The following GRIN2B variants were observed in gnomAD, a reference collection of about 807,000 sequenced individuals.
GRIN2B encodes the protein glutamate ionotropic receptor NMDA type subunit 2B.
In GRIN2B, 5 loss-of-function variants were observed where a neutral mutation model predicts 114.5. That is an observed-to-expected ratio of 0.04 (90% CI 0.02 to 0.09). The LOEUF is 0.09. Ranked by LOEUF, GRIN2B falls within the 10% of genes least tolerant of loss-of-function variation. The probability of loss-of-function intolerance (pLI) is 1.00; values close to 1 mark genes in which losing one functional copy is unlikely to be tolerated. For synonymous variants in GRIN2B, 787 were observed against 745.1 expected (o/e 1.06, Z -0.92); for missense variants, 1,108 against 1,943.5 (o/e 0.57, Z 8.08).
intron 10 of GRIN2B, among the ~76,000 whole-genome samples, chr12:13,581,785 CT>C (rs1341017757): frequency 5.9e-5 from 9 of 151,962 alleles, no homozygotes; most frequent in Admixed American, 5.9e-4. Context: ...TGGCGCATGC[CT>C]GTAGTCCCAG....
chr12:13,744,642 A>G (rs781540330), intron 4 of GRIN2B, among the ~76,000 whole-genome samples: 20 of 152,158 alleles, frequency 1.3e-4, no homozygotes, highest in Admixed American at 3.3e-4. Flanking sequence ...AGGCCTGGGC[A>G]TTGAGGGAAG....
chr12:13,924,743 C>T (rs1866886374), intron 2 of GRIN2B, among the ~76,000 whole-genome samples: 1 of 152,176 alleles, frequency 6.6e-6, no homozygotes, highest in African/African-American at 2.4e-5. Context: ...ATCTATATTT[C>T]TCACACCATG....
chr12:13,775,046 T>G (rs1863978866), intron 3 of GRIN2B, among the ~76,000 whole-genome samples: 2 of 152,108 alleles, frequency 1.3e-5, no homozygotes, highest in Admixed American at 6.6e-5. Flanking sequence ...CAGGCATTCA[T>G]GGGATTAGAG....
At chr12:13,596,987 C>A (rs182632069) in intron 10 of GRIN2B, among the ~76,000 whole-genome samples, 1 of 152,302 alleles carries the variant, frequency 6.6e-6, no homozygotes, top group Non-Finnish European at 1.5e-5. Context: ...AAAGAAGACA[C>A]AGGGCTCTGG....
At chr12:13,916,754 T>TGTGTGTGTGTGTGG (rs1258224339) in intron 2 of GRIN2B, among the ~76,000 whole-genome samples, 1 of 149,066 alleles carries the variant, frequency 6.7e-6, no homozygotes, top group African/African-American at 2.5e-5. Context: ...TGTGTGTGTG[T>TGTGTGTGTGTGTGG]GTGTGTATTT....
chr12:13,933,963 T>C (rs537399252), intron 2 of GRIN2B, among the ~76,000 whole-genome samples: 1 of 152,320 alleles, frequency 6.6e-6, no homozygotes, highest in South Asian at 2.1e-4. Context: ...ACCAACCTAC[T>C]CAAATTGCTG....
At chr12:13,879,763 C>T (rs955845633) in intron 2 of GRIN2B, among the ~76,000 whole-genome samples, 5 of 152,234 alleles carry the variant, frequency 3.3e-5, no homozygotes, top group African/African-American at 1.2e-4. Context: ...GTCCATGCCC[C>T]ACTGAGGCCA....
At chr12:13,821,637 A>T (rs961273535) in intron 3 of GRIN2B, among the ~76,000 whole-genome samples, 3 of 152,220 alleles carry the variant, frequency 2.0e-5, no homozygotes, top group Non-Finnish European at 4.4e-5. Context: ...TCTGGGATCA[A>T]TCCTGGCTCT....
chr12:13,840,237 G>A (rs2300277), intron 3 of GRIN2B, among the ~76,000 whole-genome samples: 4 of 152,124 alleles, frequency 2.6e-5, no homozygotes, highest in African/African-American at 7.2e-5. Flanking sequence ...TTGTTCATTC[G>A]GTAGGGATCC....
At position 13,559,346 on chromosome 12, in the gene GRIN2B, T is replaced by TA. The variant is rs1948510821; in HGVS notation, c.*3436dup. 6.6e-6 allele frequency: 1 copy of TA among 152,198 alleles called. No homozygotes were observed. Among genetic ancestry groups the TA allele is most frequent in the South Asian group, 2.1e-4 (1 of 4,832 alleles). The allele number at this position is 152,198 out of a possible 1,614,324, so 9.4% of individuals were successfully genotyped here. On this transcript the variant is annotated 3_prime_UTR_variant, in exon 14 of 14. Coordinates refer to ENST00000609686, the MANE Select transcript of GRIN2B (RefSeq NM_000834.5). Reference sequence around the variant, plus strand: ...GGAGGATAGGAAAAAATGTAGTGAATATACTGGGTAAATGGATTTGGAAAT... The same window carrying TA: ...GGAGGATAGGAAAAAATGTAGTGAATAATACTGGGTAAATGGATTTGGAAAT...
chr12:13,790,268 C>G (rs1864298128), intron 3 of GRIN2B, among the ~76,000 whole-genome samples: 1 of 152,138 alleles, frequency 6.6e-6, no homozygotes, highest in Non-Finnish European at 1.5e-5. Flanking sequence ...TCACAGCACC[C>G]CATCTTTCTG....
intron 10 of GRIN2B, among the ~76,000 whole-genome samples, chr12:13,586,474 G>A (rs1272235949): frequency 1.3e-5 from 2 of 152,134 alleles, no homozygotes; most frequent in South Asian, 2.1e-4. Flanking sequence ...CTGGGAAGCC[G>A]ATGCCTCACC....
intron 5 of GRIN2B, among the ~76,000 whole-genome samples, chr12:13,659,599 C>G (rs866152175): frequency 1.4e-4 from 21 of 152,216 alleles, no homozygotes; most frequent in Middle Eastern, 3.4e-3. Context: ...CTCTCTACCC[C>G]CTTATTTGTA....
intron 9 of GRIN2B, 118 bp downstream of exon 9, chr12:13,611,607 G>C: frequency 1.0e-6 from 1 of 998,748 alleles, no homozygotes; most frequent in East Asian, 2.4e-5. Flanking sequence ...GTTCACCTGA[G>C]GGTTCCTTTT....
At chr12:13,945,415 T>C (rs1002375789) in intron 2 of GRIN2B, among the ~76,000 whole-genome samples, 5 of 152,222 alleles carry the variant, frequency 3.3e-5, no homozygotes, top group African/African-American at 1.2e-4. Context: ...AGGGTGTTAC[T>C]GCTTGAGTCT....
At chr12:13,761,784 C>G (rs1330224642) in intron 3 of GRIN2B, among the ~76,000 whole-genome samples, 1 of 151,744 alleles carries the variant, frequency 6.6e-6, no homozygotes, top group East Asian at 1.9e-4. Context: ...TAAATAAACA[C>G]AAGGGAAGAA....
chr12:13,934,820 G>A (rs879477064), intron 2 of GRIN2B, among the ~76,000 whole-genome samples: 8 of 152,090 alleles, frequency 5.3e-5, no homozygotes, highest in Non-Finnish European at 7.3e-5. Context: ...AAGTTCTGAT[G>A]TCAGCAAAGC....
intron 4 of GRIN2B, among the ~76,000 whole-genome samples, chr12:13,695,139 TC>T (rs1950249123): frequency 6.6e-6 from 1 of 152,146 alleles, no homozygotes; most frequent in African/African-American, 2.4e-5. Flanking sequence ...GTGAAAGAAG[TC>T]TTTGTCAAGA....
chr12:13,734,882 C>T (rs1350288256), intron 4 of GRIN2B, among the ~76,000 whole-genome samples: 1 of 152,178 alleles, frequency 6.6e-6, no homozygotes, highest in Non-Finnish European at 1.5e-5. Context: ...TCACAAGGAA[C>T]AGCCTATGCA....
Sources: allele counts gnomAD v4.1 joint callset (sites outside exome capture counted in the v4.1 genomes callset), GRCh38; gene constraint gnomAD v4.1.1; transcripts MANE v1.5; gene names NCBI Gene and HGNC (gene_info 2026-07-23, HGNC 2026-07-21).